The following TOP2B variants were observed in gnomAD, a reference collection of about 807,000 sequenced individuals.
The protein encoded by TOP2B is DNA topoisomerase II beta.
A neutral mutation model predicts 193.5 loss-of-function variants in TOP2B; 51 were observed. The observed-to-expected ratio is 0.26, with a 90% confidence interval of 0.21 to 0.33. The LOEUF is 0.33. Among genes scored for constraint, TOP2B ranks in the 10% least tolerant of loss-of-function variants. TOP2B has a pLI of 1.00. For missense variants in TOP2B, 1,378 were observed against 1,909.3 expected (o/e 0.72, Z 5.19); for synonymous variants, 634 against 635.7 (o/e 1.00, Z 0.04).
intron 11 of TOP2B, 64 bp downstream of exon 11, chr3:25,630,737 A>G: frequency 7.2e-7 from 1 of 1,387,602 alleles, no homozygotes; most frequent in Non-Finnish European, 9.4e-7. Context: ...GAAAATAAAA[A>G]AATTCTGTAA....
At chr3:25,645,515 T>C (rs1218441704) in intron 1 of TOP2B, 45 bp from the exon 2 acceptor site, 5 of 1,488,956 alleles carry the variant, frequency 3.4e-6, no homozygotes, top group East Asian at 2.3e-5. Context: ...TACCAAGGGG[T>C]AGACAATGAG....
chr3:25,609,150 T>C, intron 30 of TOP2B, 33 bp downstream of exon 30: 1 of 1,558,022 alleles, frequency 6.4e-7, no homozygotes, highest in Non-Finnish European at 8.7e-7. Flanking sequence ...GGTTAAACTA[T>C]AATATACAGT....
intron 21 of TOP2B, 21 bp downstream of exon 21, chr3:25,623,494 T>TA: frequency 1.3e-6 from 2 of 1,593,706 alleles, no homozygotes; most frequent in Non-Finnish European, 1.7e-6. Flanking sequence ...GTTAAATAAA[T>TA]AATAAGTTCC....
Position 25,635,942 on chromosome 3 carries a change from T to C in TOP2B, c.846A>G (p.Lys282=). The change falls in exon 7 of 36, where the codon AAA becomes AAG. Residue 282 remains lysine, a synonymous_variant. Coordinates refer to ENST00000264331, the MANE Select transcript of TOP2B (RefSeq NM_001330700.2). ...TATTTTACAGGACACTTACAGGCAA[T>C]TTCTTTCCATTAAACATGACCTTGA... The part of the protein sequence containing the change: ...RGVKVMFNGK[K]LPVNGFRSYV... 6.2e-7 allele frequency: 1 copy of C among 1,612,694 alleles called. No individual in the cohort carries two copies. The highest frequency in any genetic ancestry group is 8.5e-7 in the Non-Finnish European group (1 of 1,179,072).
intron 25 of TOP2B, among the ~76,000 whole-genome samples, chr3:25,617,881 T>C (rs1702546505): frequency 6.6e-6 from 1 of 152,210 alleles, no homozygotes. Context: ...ATCAGACTTT[T>C]AATCTGAAGT....
Position 25,615,576 on chromosome 3 carries a change from T to G in TOP2B, c.3362A>C (p.Glu1121Ala). Residue 1121 changes from glutamate (E) to alanine (A), a missense_variant, in exon 26 of 36, where the codon GAG becomes GCG. Glu to Ala is a moderately radical substitution (Grantham distance 107). Transcript: ENST00000264331. Reference sequence around the variant, plus strand: ...ATCATGCTGGTTTTGTGTTTCATCCTCTTCTGCTGCCTGTAAAAAATAACA... The same window carrying G: ...ATCATGCTGGTTTTGTGTTTCATCCGCTTCTGCTGCCTGTAAAAAATAACA... ...WKEAQEKAAE[E>A]DETQNQHDDS... The G allele has an allele frequency of 6.5e-7, 1 of 1,544,392 alleles. No homozygotes were observed. The highest frequency in any genetic ancestry group is 8.7e-7 in the Non-Finnish European group (1 of 1,148,304).
chr3:25,629,604 A>C (rs751120996), intron 13 of TOP2B, among the ~76,000 whole-genome samples: 1 of 152,156 alleles, frequency 6.6e-6, no homozygotes, highest in Non-Finnish European at 1.5e-5. Flanking sequence ...AGAGTGCATA[A>C]GAGAAAACAG....
chr3:25,633,844 T>C lies in TOP2B; in HGVS notation c.1023A>G (p.Thr341=), dbSNP rs759056936. The C allele has an allele frequency of 1.3e-5, 21 of 1,604,856 alleles. 1 individual carries two copies. The South Asian group carries it at 2.3e-4, about 18-fold the overall frequency. ...QISFVNSIAT[T]KGGRHVDYVV... ...AACAAATAATTTGCTTACTTACTTTTGTAGTTGCAATACTATTTACAAAGC... is the reference window on the plus strand; with the variant it reads ...AACAAATAATTTGCTTACTTACTTTCGTAGTTGCAATACTATTTACAAAGC... Residue 341 remains threonine, a synonymous_variant, in exon 8 of 36, where the codon ACA becomes ACG. Transcript: ENST00000264331.
intron 13 of TOP2B, 149 bp from the exon 14 acceptor site, chr3:25,629,294 A>T: frequency 1.9e-6 from 1 of 523,410 alleles, no homozygotes. Context: ...GATCATACTA[A>T]ATTTTTTAAT....
intron 11 of TOP2B, 120 bp from the exon 12 acceptor site, chr3:25,630,589 C>G: frequency 5.6e-6 from 5 of 888,736 alleles, no homozygotes; most frequent in East Asian, 5.4e-5. Context: ...AGTTATTTTA[C>G]ATTATTGCTC....
At chr3:25,648,549 C>T (rs188358050) in intron 1 of TOP2B, among the ~76,000 whole-genome samples, 5 of 152,238 alleles carry the variant, frequency 3.3e-5, no homozygotes, top group East Asian at 3.9e-4. Flanking sequence ...GAAATACAGC[C>T]GATTCAATGT....
chr3:25,600,214 C>A (rs1702053989), intron 34 of TOP2B, among the ~76,000 whole-genome samples: 1 of 152,074 alleles, frequency 6.6e-6, no homozygotes, highest in South Asian at 2.1e-4. Context: ...TAAGTAGGGG[C>A]CAGATGTTCT....
At position 25,658,070 on chromosome 3, in the gene TOP2B, A is replaced by AAAAAAAAACAAAAAAAAC. The variant is rs1209427514; in HGVS notation, c.69+6158_69+6159insGTTTTTTTTGTTTTTTTT. 1.1e-4 allele frequency among the ~76,000 whole-genome samples: 8 copies of AAAAAAAAACAAAAAAAAC among 74,612 alleles called. 2 individuals carry two copies. The highest frequency in any genetic ancestry group is 5.9e-4 in the African/African-American group (8 of 13,648). The allele number at this position is 74,612 out of a possible 152,430, so 48.9% of individuals were successfully genotyped here. A position where few individuals can be genotyped will look rare whatever the true frequency, so the allele number is the denominator to read the frequency against. On this transcript the variant is annotated intron_variant, in intron 1 of 35. Coordinates refer to ENST00000264331, the MANE Select transcript of TOP2B (RefSeq NM_001330700.2). ...AGCGAGACTCCGTCTCAAAAAAAAA[A>AAAAAAAAACAAAAAAAAC]AAAAAAAATTAGCTGGGCATGGTGG...
chr3:25,664,699 G>C lies in TOP2B; in HGVS notation c.-402C>G. ...CGCTCGGACGTGGCGAGGACGCAGA[G>C]GTGCCTTGTCCTTCTCACACTCCGC... On this transcript the variant is annotated 5_prime_UTR_variant, in exon 1 of 36. Coordinates refer to ENST00000264331, the MANE Select transcript of TOP2B (RefSeq NM_001330700.2). 4 of 985,180 alleles carry C rather than the reference G, an allele frequency of 4.1e-6. No homozygotes were observed. Among genetic ancestry groups the C allele is most frequent in the African/African-American group, 3.5e-5 (2 of 57,322 alleles). 61.0% of individuals were successfully genotyped at this position (985,180 alleles called of 1,614,324 possible).
chr3:25,609,088 TA>T, intron 30 of TOP2B, 94 bp downstream of exon 30: 1 of 1,077,226 alleles, frequency 9.3e-7, no homozygotes, highest in Non-Finnish European at 1.2e-6. Flanking sequence ...TCTGAAATAC[TA>T]ATGGCTTAGT....
chr3:25,611,555 A>G (rs1702370472), intron 28 of TOP2B, among the ~76,000 whole-genome samples: 1 of 152,198 alleles, frequency 6.6e-6, no homozygotes, highest in Non-Finnish European at 1.5e-5. Flanking sequence ...TGTAAAAATC[A>G]ACCTGTCCAA....
At chr3:25,644,280 C>A (rs1048081332) in intron 2 of TOP2B, among the ~76,000 whole-genome samples, 6 of 151,966 alleles carry the variant, frequency 3.9e-5, no homozygotes, top group Admixed American at 2.0e-4. Context: ...ACCTACTTCC[C>A]AAAATGGTTA....
At chr3:25,601,678 G>C (rs1211997117) in intron 33 of TOP2B, among the ~76,000 whole-genome samples, 5 of 152,134 alleles carry the variant, frequency 3.3e-5, no homozygotes, top group African/African-American at 1.2e-4. Context: ...GCAATGTAAA[G>C]GCAAACAATT....
Position 25,619,882 on chromosome 3 carries a change from T to C in TOP2B, c.3043A>G (p.Thr1015Ala). The change falls in exon 23 of 36, where the codon ACT becomes GCT. Residue 1015 changes from threonine (T) to alanine (A), a missense_variant. Around this residue, in one of 9 missense-constraint regions of TOP2B, gnomAD observed 379 missense variants for 615.1 expected, o/e 0.62. Coordinates refer to ENST00000264331, the MANE Select transcript of TOP2B (RefSeq NM_001330700.2). ...ATTACCATGGAATTACAAGTAAGAG[T>C]AGTTTGAAGTTTAAAAACTTTATGC... ...GLHKVFKLQT[T>A]LTCNSMVLFD... 1 of 1,608,638 alleles carries C rather than the reference T, an allele frequency of 6.2e-7. No homozygotes were observed. The highest frequency in any genetic ancestry group is 8.5e-7 in the Non-Finnish European group (1 of 1,176,062).
Sources: allele counts gnomAD v4.1 joint callset (sites outside exome capture counted in the v4.1 genomes callset), GRCh38; gene constraint gnomAD v4.1.1; regional missense constraint gnomAD v4.1.1; transcripts MANE v1.5; gene names NCBI Gene and HGNC (gene_info 2026-07-23, HGNC 2026-07-21).